Variants in CMTR1 observed in about 807,000 individuals in gnomAD.
The protein encoded by CMTR1 is cap methyltransferase 1.
CMTR1 carries 39 observed loss-of-function variants against 107.0 expected under a neutral mutation model. The observed-to-expected ratio is 0.36, with a 90% CI of 0.28 to 0.48. The LOEUF is 0.48. CMTR1 is among the 20% of genes least tolerant of loss of function. The pLI is 0.99. For synonymous variants in CMTR1, 366 were observed against 379.5 expected (o/e 0.96, Z 0.41); for missense variants, 672 against 1,064.9 (o/e 0.63, Z 5.14).
chr6:37,469,084 G>A (rs944547068), intron 13 of CMTR1, among the ~76,000 whole-genome samples: 3 of 151,792 alleles, frequency 2.0e-5, no homozygotes, highest in East Asian at 1.9e-4. Flanking sequence ...GCAGTGAGCC[G>A]AGATCGTGCC....
intron 23 of CMTR1, 144 bp downstream of exon 23, chr6:37,479,399 T>C (rs1025439174): frequency 9.2e-6 from 6 of 654,882 alleles, no homozygotes; most frequent in Admixed American, 4.9e-5. Flanking sequence ...CTGAGAATAC[T>C]TGTGGGGATG....
chr6:37,438,572 A>G (rs1771591249), intron 2 of CMTR1, among the ~76,000 whole-genome samples: 1 of 152,202 alleles, frequency 6.6e-6, no homozygotes, highest in South Asian at 2.1e-4. Flanking sequence ...TGAGGGCAGT[A>G]TCTTTATCAG....
In CMTR1 at chr6:37,449,476, T is replaced by C. The variant is rs183040999; in HGVS notation, c.445-775T>C. Reference sequence around the variant, plus strand: ...GATGTGCACTGCCATGCCCAGCTAATTTTTGTATTTTTAGTAGAGACGGGG... The same window carrying C: ...GATGTGCACTGCCATGCCCAGCTAACTTTTGTATTTTTAGTAGAGACGGGG... On this transcript the variant is annotated intron_variant, in intron 4 of 23. Transcript: ENST00000373451. Among the ~76,000 whole-genome samples, 247 of 152,112 alleles carry C rather than the reference T, an allele frequency of 1.6e-3. 2 individuals are homozygous for C. Among genetic ancestry groups the C allele is most frequent in the South Asian group, 0.01 (50 of 4,816 alleles).
the CMTR1 span, among the ~76,000 whole-genome samples, chr6:37,427,671 T>C: frequency 6.6e-6 from 1 of 152,236 alleles, no homozygotes; most frequent in South Asian, 2.1e-4. The surrounding 1 kb of genome is among the most constrained non-coding windows in gnomAD (Gnocchi z 4.4). Context: ...ACCACTTTTA[T>C]TGCTTTTCCT....
intron 2 of CMTR1, among the ~76,000 whole-genome samples, chr6:37,442,161 T>C (rs1771689712): frequency 6.6e-6 from 1 of 152,250 alleles, no homozygotes; most frequent in Non-Finnish European, 1.5e-5. Context: ...CCCCATTATA[T>C]GTAGCATGAT....
In CMTR1 at chr6:37,439,320, G is replaced by C. The variant is rs1390723100; in HGVS notation, c.133+3558G>C. On this transcript the variant is annotated intron_variant, in intron 2 of 23. Transcript: ENST00000373451. ...AAGGAGAGGCAGATGAGGTCATTTT[G>C]TTCTCTTTGGTTGTTTTTCACGGGA... Among the ~76,000 whole-genome samples, 3 of 152,172 alleles carry C rather than the reference G, an allele frequency of 2.0e-5. No homozygotes were observed. The East Asian group carries it at 5.8e-4, about 29-fold the overall frequency.
chr6:37,468,054 T>G (rs1015430375), intron 13 of CMTR1, among the ~76,000 whole-genome samples: 3 of 137,260 alleles, frequency 2.2e-5, no homozygotes, highest in East Asian at 2.3e-4. Flanking sequence ...CTCTGTTTTG[T>G]GGGGGGGGGG....
intron 8 of CMTR1, among the ~76,000 whole-genome samples, chr6:37,457,053 T>C (rs1213590679): frequency 6.7e-6 from 1 of 150,150 alleles, no homozygotes; most frequent in Non-Finnish European, 1.5e-5. Flanking sequence ...AGATCCTGTC[T>C]CTAAAAAAAA....
At chr6:37,476,075 C>A in intron 19 of CMTR1, 51 bp from the exon 20 acceptor site, 4 of 1,574,534 alleles carry the variant, frequency 2.5e-6, no homozygotes, top group Non-Finnish European at 2.6e-6. Context: ...GGTAGGGGTG[C>A]TGGTGGAGGC....
chr6:37,441,596 T>A (rs1205197277), intron 2 of CMTR1, among the ~76,000 whole-genome samples: 1 of 152,038 alleles, frequency 6.6e-6, no homozygotes, highest in Non-Finnish European at 1.5e-5. Flanking sequence ...GTATTTTTAG[T>A]AGAGACAGGG....
chr6:37,461,962 T>C lies in CMTR1; in HGVS notation c.1193-8T>C. On this transcript the variant is annotated splice_region_variant and splice_polypyrimidine_tract_variant and intron_variant, in intron 11 of 23. Coordinates refer to ENST00000373451, the MANE Select transcript of CMTR1 (RefSeq NM_015050.3). ...TTGGCTGCTTTTGGTGTTTTCTCTC[T>C]AATCTAGGAGGCCACTTCATCTGTA... is the stretch of plus-strand genomic sequence containing the variant. 1 of 1,613,606 alleles carries C rather than the reference T, an allele frequency of 6.2e-7. No individual in the cohort carries two copies.
intron 2 of CMTR1, among the ~76,000 whole-genome samples, chr6:37,442,160 A>G (rs1369395292): frequency 6.6e-6 from 1 of 152,230 alleles, no homozygotes; most frequent in Admixed American, 6.5e-5. Context: ...ACCCCATTAT[A>G]TGTAGCATGA....
upstream of CMTR1, chr6:37,433,171 G>A (rs1167226999): frequency 6.5e-6 from 1 of 152,696 alleles, no homozygotes; most frequent in Non-Finnish European, 1.5e-5. Context: ...CCCGGCCGGG[G>A]GAGGACCGAG....
At chr6:37,476,218 C>CA (rs1561793720) in intron 20 of CMTR1, 24 bp downstream of exon 20, 1 of 1,613,172 alleles carries the variant, frequency 6.2e-7, no homozygotes, top group East Asian at 2.2e-5. Context: ...CCCTACCCTC[C>CA]ATGCTTCTTT....
chr6:37,468,048 G>C (rs1050031567), intron 13 of CMTR1, among the ~76,000 whole-genome samples: 9 of 130,024 alleles, frequency 6.9e-5, no homozygotes, highest in African/African-American at 1.6e-4. Context: ...TCTTCCCTCT[G>C]TTTTGTGGGG....
chr6:37,443,646 A>G lies in CMTR1; in HGVS notation c.134-353A>G, dbSNP rs1006013863. On this transcript the variant is annotated intron_variant, in intron 2 of 23. Coordinates refer to ENST00000373451, the MANE Select transcript of CMTR1 (RefSeq NM_015050.3). ...GTACTGGGATTACGCGTGAGCCACC[A>G]TGCCCAGCCAACAATGCATTTTCAA... Among the ~76,000 whole-genome samples the G allele has an allele frequency of 5.3e-5, 8 of 152,318 alleles. No homozygotes were observed. The East Asian group carries it at 1.2e-3, about 22-fold the overall frequency.
At chr6:37,454,216 T>A (rs1761243724) in intron 8 of CMTR1, among the ~76,000 whole-genome samples, 1 of 152,232 alleles carries the variant, frequency 6.6e-6, no homozygotes, top group Non-Finnish European at 1.5e-5. Context: ...TCTGCTTCAC[T>A]CACCCTCATT....
chr6:37,474,577 A>G lies in CMTR1; in HGVS notation c.1875A>G (p.Leu625=), dbSNP rs375636260. Residue 625 remains leucine (L), a synonymous_variant, in exon 18 of 24, where the codon CTA becomes CTG. Coordinates refer to ENST00000373451, the MANE Select transcript of CMTR1 (RefSeq NM_015050.3). ...DGRQSDRWIK[L]DLKTELPRDT... Reference sequence around the variant, plus strand: ...GCCAGTCAGACCGCTGGATCAAGCTAGACCTGAAGACAGAGCTGCCCCGGG... The same window carrying G: ...GCCAGTCAGACCGCTGGATCAAGCTGGACCTGAAGACAGAGCTGCCCCGGG... The G allele has an allele frequency of 1.9e-6, 3 of 1,614,042 alleles. No homozygotes were observed. The African/African-American group carries it at 4.0e-5, about 22-fold the overall frequency.
intron 10 of CMTR1, among the ~76,000 whole-genome samples, chr6:37,460,150 T>C (rs925262563): frequency 6.6e-6 from 1 of 152,242 alleles, no homozygotes. Context: ...GGCATTCCTT[T>C]CTGGAGTGAG....
Sources: allele counts gnomAD v4.1 joint callset (sites outside exome capture counted in the v4.1 genomes callset), GRCh38; gene constraint gnomAD v4.1.1; non-coding constraint Gnocchi (gnomAD v3.1); transcripts MANE v1.5; gene names NCBI Gene and HGNC (gene_info 2026-07-23, HGNC 2026-07-21).